UROC1: variants seen among roughly 807,000 people sequenced by gnomAD.
UROC1 encodes urocanate hydratase.
A neutral mutation model predicts 89.5 loss-of-function variants in UROC1; 79 were observed. That is an observed-to-expected ratio of 0.88 (90% confidence interval 0.74 to 1.06). The LOEUF is 1.06. Ranked by LOEUF, UROC1 falls within the 50% of genes least tolerant of loss-of-function variation. The pLI is 0.00. For missense variants in UROC1, 885 were observed against 907.8 expected (o/e 0.97, Z 0.32); for synonymous variants, 361 against 354.8 (o/e 1.02, Z -0.20).
rs1935768654 is a variant in UROC1 at position 126,496,059 on chromosome 3, C to G, written c.1488G>C (p.Arg496=). ...TCACCAGCCGGTGCCTGGCGGCCTC[C>G]CGGATCCAGCGGATGTTGTCCATGT... ...LQYMDNIRWI[R]EAARHRLVVG... is the part of the protein sequence containing the mutation. Residue 496 remains arginine (R), a synonymous_variant, in exon 15 of 20, where the codon CGG becomes CGC. Coordinates refer to ENST00000290868, the MANE Select transcript of UROC1 (RefSeq NM_144639.3). 1.2e-6 allele frequency: 2 copies of G among 1,613,272 alleles called. No individual in the cohort carries two copies. The highest frequency in any genetic ancestry group is 2.7e-5 in the African/African-American group (2 of 74,942).
chr3:126,498,319 G>T (rs917727523), intron 13 of UROC1, 147 bp from the exon 14 acceptor site: 64 of 1,372,460 alleles, frequency 4.7e-5, no homozygotes, highest in Non-Finnish European at 6.1e-5. Flanking sequence ...AGTTCCAGGG[G>T]CCTCCCTGTC....
At chr3:126,504,505 A>G (rs1292296916) in intron 8 of UROC1, among the ~76,000 whole-genome samples, 3 of 152,318 alleles carry the variant, frequency 2.0e-5, no homozygotes, top group Middle Eastern at 3.4e-3. Context: ...TTGAACATGG[A>G]TAGGATGGCT....
At position 126,488,285 on chromosome 3, in the gene UROC1, GA is replaced by G. The variant is rs1241430481; in HGVS notation, c.1709-7del. 1 of 1,614,126 alleles carries G rather than the reference GA, an allele frequency of 6.2e-7. No individual in the cohort carries two copies. Among genetic ancestry groups the G allele is most frequent in the Non-Finnish European group, 8.5e-7 (1 of 1,180,040 alleles). On this transcript the variant is annotated splice_region_variant and splice_polypyrimidine_tract_variant and intron_variant, in intron 17 of 19. Coordinates refer to ENST00000290868, the MANE Select transcript of UROC1 (RefSeq NM_144639.3). ...GAAGTTCTGCACAGCCATGTCTGCGGAAATAGAGACGCCTCTGCTCATCACC... is the reference window on the plus strand; with the variant it reads ...GAAGTTCTGCACAGCCATGTCTGCGGAATAGAGACGCCTCTGCTCATCACC...
At position 126,506,578 on chromosome 3, in the gene UROC1, C is replaced by T. The variant is rs376638663; in HGVS notation, c.603-567G>A. On this transcript the variant is annotated intron_variant, in intron 6 of 19. Coordinates refer to ENST00000290868, the MANE Select transcript of UROC1 (RefSeq NM_144639.3). Reference sequence around the variant, plus strand: ...AAGGAAGAATACATGAGATCTGCTTCCTGAAATGCAGCAATCTCCTAGCTC... The same window carrying T: ...AAGGAAGAATACATGAGATCTGCTTTCTGAAATGCAGCAATCTCCTAGCTC... Among the ~76,000 whole-genome samples, 7 of 152,286 alleles carry T rather than the reference C, an allele frequency of 4.6e-5. No homozygotes were observed. In the South Asian group the frequency reaches 1.5e-3, roughly 32 times the overall value.
chr3:126,486,025 G>A (rs928830481), intron 18 of UROC1, among the ~76,000 whole-genome samples: 6 of 152,212 alleles, frequency 3.9e-5, no homozygotes, highest in South Asian at 2.1e-4. Context: ...AAGCTCCAGC[G>A]CAGTGTGGCC....
chr3:126,508,812 AACATATC>A (rs747932251), intron 3 of UROC1, among the ~76,000 whole-genome samples: 29 of 152,120 alleles, frequency 1.9e-4, no homozygotes, highest in Non-Finnish European at 3.5e-4. Context: ...ACATTCTGGC[AACATATC>A]ACCCCCAAGG....
chr3:126,489,455 T>C, intron 16 of UROC1, 80 bp from the exon 17 acceptor site: 1 of 1,163,386 alleles, frequency 8.6e-7, no homozygotes, highest in Non-Finnish European at 1.3e-6. Context: ...AAGGGGCAGG[T>C]CACACCAGAA....
chr3:126,488,491 C>T (rs1020605120), intron 17 of UROC1, among the ~76,000 whole-genome samples: 9 of 152,238 alleles, frequency 5.9e-5, no homozygotes, highest in African/African-American at 2.2e-4. Context: ...TCTAGTTGTC[C>T]CATGGTGGCG....
chr3:126,500,468 G>A (rs1218334104), intron 11 of UROC1, among the ~76,000 whole-genome samples: 4 of 152,064 alleles, frequency 2.6e-5, no homozygotes, highest in East Asian at 3.9e-4. Context: ...GCGCCATGCC[G>A]GGACTACACT....
intron 9 of UROC1, 76 bp downstream of exon 9, chr3:126,503,919 C>A: frequency 6.4e-7 from 1 of 1,556,900 alleles, no homozygotes; most frequent in Non-Finnish European, 8.8e-7. Context: ...CCAAGCTGCC[C>A]CATGGGGGTC....
chr3:126,499,354 A>G lies in UROC1; in HGVS notation c.1299T>C (p.Tyr433=). 1.9e-6 allele frequency: 3 copies of G among 1,611,752 alleles called. No homozygotes were observed. The highest frequency in any genetic ancestry group is 2.5e-6 in the Non-Finnish European group (3 of 1,179,606). Residue 433 remains tyrosine, a synonymous_variant, in exon 13 of 20, where the codon TAT becomes TAC. Coordinates refer to ENST00000290868, the MANE Select transcript of UROC1 (RefSeq NM_144639.3). The stretch of plus-strand genomic sequence containing the variant: ...TCACTCACCCCATGATGTGCTGCAC[A>G]TAGGAAGGGTAGCGGAACTCTGTCC... ...AGRTEFRYPS[Y]VQHIMGDIFS...
intron 3 of UROC1, among the ~76,000 whole-genome samples, chr3:126,509,023 A>T (rs1371071983): frequency 1.3e-5 from 2 of 152,162 alleles, no homozygotes; most frequent in African/African-American, 4.8e-5. Flanking sequence ...TCAGGATGAA[A>T]AACAATGTAA....
Position 126,492,418 on chromosome 3 carries a change from C to A in UROC1, c.1608G>T (p.Lys536Asn). The change falls in exon 16 of 20, where the codon AAG becomes AAT. Residue 536 changes from lysine to asparagine, a missense_variant and splice_region_variant. Transcript: ENST00000290868. Reference protein sequence around the residue: ...INQAIACRRIKAPVVLSRDHH... With the variant: ...INQAIACRRINAPVVLSRDHH... Reference sequence around the variant, plus strand: ...TCCCCCAGAGCACAGGACACCTCACCTTGATCCTCCTGCAGGCGATGGCCT... The same window carrying A: ...TCCCCCAGAGCACAGGACACCTCACATTGATCCTCCTGCAGGCGATGGCCT... The A allele has an allele frequency of 6.2e-7, 1 of 1,613,342 alleles. No homozygotes were observed. Among genetic ancestry groups the A allele is most frequent in the African/African-American group, 1.3e-5 (1 of 75,042 alleles).
Position 126,481,473 on chromosome 3 carries a change from T to TGTC in UROC1, c.*869_*871dup, listed in dbSNP as rs1935382818. On this transcript the variant is annotated 3_prime_UTR_variant, in exon 20 of 20. Coordinates refer to ENST00000290868, the MANE Select transcript of UROC1 (RefSeq NM_144639.3). ...CTCTCCAATCCACCGACATGTGGGG[T>TGTC]GTCTGGTTTTCTGTGGCCCTCAGAG... The TGTC allele has an allele frequency of 6.6e-6, 1 of 152,048 alleles. No individual in the cohort carries two copies. Among genetic ancestry groups the TGTC allele is most frequent in the Admixed American group, 6.5e-5 (1 of 15,274 alleles). The allele number at this position is 152,048 out of a possible 1,614,324, so 9.4% of individuals were successfully genotyped here.
chr3:126,514,597 G>A (rs1936260417), intron 1 of UROC1, among the ~76,000 whole-genome samples: 1 of 151,988 alleles, frequency 6.6e-6, no homozygotes, highest in African/African-American at 2.4e-5. Context: ...CAAAGACAGG[G>A]CCCTCTAAAT....
Position 126,505,718 on chromosome 3 carries a change from T to C in UROC1, c.796A>G (p.Ile266Val), listed in dbSNP as rs756666150. Residue 266 changes from isoleucine (I) to valine (V), a missense_variant, in exon 8 of 20, where the codon ATC becomes GTC. Transcript: ENST00000290868. ...CAGCTTACCTCTGCTATCACACCGA[T>C]GCACCCCACGATGACTGCGGCCTTG... is the stretch of plus-strand genomic sequence containing the variant. ...QAKAAVIVGC[I>V]GVIAEVDKAA... 9 of 1,613,760 alleles carry C rather than the reference T, an allele frequency of 5.6e-6. No individual in the cohort carries two copies. Among genetic ancestry groups the C allele is most frequent in the Non-Finnish European group, 7.6e-6 (9 of 1,179,992 alleles).
chr3:126,499,822 C>A (rs902204260), intron 12 of UROC1, among the ~76,000 whole-genome samples: 1 of 152,202 alleles, frequency 6.6e-6, no homozygotes, highest in African/African-American at 2.4e-5. Context: ...ACCTGCTCTC[C>A]GTATGGGACT....
intron 14 of UROC1, 67 bp downstream of exon 14, chr3:126,497,984 T>C (rs1027831771): frequency 6.2e-6 from 10 of 1,611,910 alleles, no homozygotes; most frequent in Non-Finnish European, 8.5e-6. Flanking sequence ...TATAGAAGCT[T>C]GTCTCTATGG....
intron 2 of UROC1, 126 bp from the exon 3 acceptor site, chr3:126,509,804 G>C (rs1301381198): frequency 1.2e-5 from 11 of 912,058 alleles, no homozygotes; most frequent in Non-Finnish European, 1.7e-5. Flanking sequence ...AACTAGCTAG[G>C]AACGTACAGT....
Sources: allele counts gnomAD v4.1 joint callset (sites outside exome capture counted in the v4.1 genomes callset), GRCh38; gene constraint gnomAD v4.1.1; transcripts MANE v1.5; gene names NCBI Gene and HGNC (gene_info 2026-07-23, HGNC 2026-07-21).